Variants in MFHAS1 observed in about 807,000 individuals in gnomAD.
MFHAS1 encodes the protein malignant fibrous histiocytoma-amplified sequence 1.
A neutral mutation model predicts 70.4 loss-of-function variants in MFHAS1; 50 were observed. The ratio of observed to expected loss-of-function variants is 0.71; its 90% confidence interval spans 0.57 to 0.90. The LOEUF is 0.90. Ranked by LOEUF, MFHAS1 falls within the 40% of genes least tolerant of loss-of-function variation. The pLI is 0.00. For synonymous variants in MFHAS1, 952 were observed against 620.0 expected (o/e 1.54, Z -7.96); for missense variants, 1,795 against 1,347.6 (o/e 1.33, Z -5.20).
At chr8:8,798,724 C>T (rs10113100) in intron 1 of MFHAS1, among the ~76,000 whole-genome samples, 16,702 of 152,136 alleles carry the variant, frequency 0.11, 1,177 homozygotes, top group African/African-American at 0.2. Context: ...CAACTCTCTG[C>T]ACCAACCACT....
In MFHAS1 at chr8:8,890,155, G is replaced by A; in HGVS notation, c.2904C>T (p.Val968=). Residue 968 remains valine, a synonymous_variant, in exon 1 of 3, where the codon GTC becomes GTT. Coordinates refer to ENST00000276282, the MANE Select transcript of MFHAS1 (RefSeq NM_004225.3). ...GCAGTCCAGGCCATTCCTGAAGTAG[G>A]ACATTCAGTTCCTCCACCAAGGGGG... The part of the protein sequence containing the change: ...AITPLVEELN[V]LLQEWPGLHY... The A allele has an allele frequency of 3.1e-6, 5 of 1,614,172 alleles. No homozygotes were observed. The highest frequency in any genetic ancestry group is 4.2e-6 in the Non-Finnish European group (5 of 1,180,050).
intron 1 of MFHAS1, among the ~76,000 whole-genome samples, chr8:8,870,281 C>G (rs1809025416): frequency 6.9e-6 from 1 of 145,142 alleles, no homozygotes; most frequent in Admixed American, 6.9e-5. Flanking sequence ...TAGTGAGACC[C>G]TGTCTCTACA....
At chr8:8,869,287 G>T (rs1808978585) in intron 1 of MFHAS1, among the ~76,000 whole-genome samples, 1 of 152,134 alleles carries the variant, frequency 6.6e-6, no homozygotes. Flanking sequence ...CATCTGCTTT[G>T]ACCTCTGCTT....
chr8:8,787,450 G>T (rs1007924380), intron 2 of MFHAS1, among the ~76,000 whole-genome samples: 1 of 151,644 alleles, frequency 6.6e-6, no homozygotes, highest in African/African-American at 2.4e-5. Flanking sequence ...GCATACTAGC[G>T]AGTGACAGAG....
At chr8:8,871,530 A>G (rs1809074598) in intron 1 of MFHAS1, among the ~76,000 whole-genome samples, 1 of 152,224 alleles carries the variant, frequency 6.6e-6, no homozygotes, top group African/African-American at 2.4e-5. Flanking sequence ...AGCCTGGGCA[A>G]CAGAGTGATC....
intron 1 of MFHAS1, among the ~76,000 whole-genome samples, chr8:8,873,130 G>C (rs901577058): frequency 2.0e-5 from 3 of 152,178 alleles, no homozygotes; most frequent in Non-Finnish European, 2.9e-5. Flanking sequence ...TGTTCTTTTG[G>C]AAAATTCACA....
At chr8:8,877,300 T>TAAAAAAAAA (rs1809334045) in intron 1 of MFHAS1, among the ~76,000 whole-genome samples, 2 of 9,526 alleles carry the variant, frequency 2.1e-4, no homozygotes, top group Non-Finnish European at 1.3e-3. Flanking sequence ...AGACCCTGCC[T>TAAAAAAAAA]CAAAAAAAAA....
At chr8:8,867,926 C>G (rs1194922120) in intron 1 of MFHAS1, among the ~76,000 whole-genome samples, 1 of 152,134 alleles carries the variant, frequency 6.6e-6, no homozygotes, top group Non-Finnish European at 1.5e-5. Context: ...AATTGTTTAA[C>G]TCCATTCTTC....
At chr8:8,863,243 C>T (rs565594999) in intron 1 of MFHAS1, among the ~76,000 whole-genome samples, 1 of 152,304 alleles carries the variant, frequency 6.6e-6, no homozygotes, top group Admixed American at 6.5e-5. Context: ...AAAGTAAGCA[C>T]TGAAATCAGG....
At chr8:8,834,680 A>G (rs775377448) in intron 1 of MFHAS1, among the ~76,000 whole-genome samples, 1 of 152,238 alleles carries the variant, frequency 6.6e-6, no homozygotes, top group Non-Finnish European at 1.5e-5. Flanking sequence ...TCATACAACA[A>G]TGAAATTGCC....
chr8:8,791,925 C>A (rs993553045), intron 2 of MFHAS1, among the ~76,000 whole-genome samples: 1 of 152,154 alleles, frequency 6.6e-6, no homozygotes, highest in African/African-American at 2.4e-5. Flanking sequence ...CCAAGGATAA[C>A]GTGTTTATGA....
At chr8:8,820,703 C>T (rs1002983833) in intron 1 of MFHAS1, among the ~76,000 whole-genome samples, 7 of 152,306 alleles carry the variant, frequency 4.6e-5, no homozygotes, top group Non-Finnish European at 7.3e-5. Flanking sequence ...GGCTGGCTCC[C>T]GCTCTGAGAT....
chr8:8,861,710 C>T (rs1808668070), intron 1 of MFHAS1, among the ~76,000 whole-genome samples: 1 of 152,204 alleles, frequency 6.6e-6, no homozygotes, highest in Non-Finnish European at 1.5e-5. Context: ...CAAAAAGGTT[C>T]TCTTGTACCC....
At chr8:8,837,123 T>C (rs1033474636) in intron 1 of MFHAS1, among the ~76,000 whole-genome samples, 1 of 152,224 alleles carries the variant, frequency 6.6e-6, no homozygotes, top group South Asian at 2.1e-4. Context: ...TTTTGAAATA[T>C]GAACTATTCT....
At chr8:8,838,268 T>C (rs567766801) in intron 1 of MFHAS1, among the ~76,000 whole-genome samples, 1 of 152,306 alleles carries the variant, frequency 6.6e-6, no homozygotes, top group Admixed American at 6.5e-5. Context: ...GAGGCCTGGC[T>C]GGGAAGAGGC....
chr8:8,872,326 T>C (rs1410526562), intron 1 of MFHAS1, among the ~76,000 whole-genome samples: 4 of 152,138 alleles, frequency 2.6e-5, no homozygotes, highest in African/African-American at 9.7e-5. Context: ...AATCCCCCCA[T>C]GAATAAATGT....
intron 2 of MFHAS1, among the ~76,000 whole-genome samples, chr8:8,791,960 G>A (rs1404794530): frequency 2.0e-5 from 3 of 152,184 alleles, no homozygotes; most frequent in African/African-American, 2.4e-5. Flanking sequence ...CTCAGAAATC[G>A]GCCAGGCACG....
At chr8:8,854,638 T>C (rs1278133324) in intron 1 of MFHAS1, among the ~76,000 whole-genome samples, 1 of 150,976 alleles carries the variant, frequency 6.6e-6, no homozygotes, top group Non-Finnish European at 1.5e-5. Flanking sequence ...TGAGCCAAGA[T>C]TGCACCACTG....
intron 1 of MFHAS1, among the ~76,000 whole-genome samples, chr8:8,846,961 T>C (rs1808059855): frequency 6.6e-6 from 1 of 152,210 alleles, no homozygotes; most frequent in South Asian, 2.1e-4. Context: ...AAACTTATTA[T>C]GCATCTACTA....
Sources: gnomAD v4.1 joint callset for allele counts (sites outside exome capture counted in the v4.1 genomes callset) on GRCh38, gnomAD v4.1.1 for gene constraint, MANE v1.5 for transcripts, NCBI Gene and HGNC (gene_info 2026-07-23, HGNC 2026-07-21) for gene names.